The following ATP6V0A2 variants were observed in gnomAD, a reference collection of about 807,000 sequenced individuals.
ATP6V0A2 encodes the protein ATPase H+ transporting V0 subunit a2.
A neutral mutation model predicts 104.4 loss-of-function variants in ATP6V0A2; 58 were observed. The observed-to-expected ratio is 0.56, with a 90% CI of 0.45 to 0.69. The LOEUF (loss-of-function observed/expected upper bound fraction) is 0.69. ATP6V0A2 is among the 30% of genes least tolerant of loss of function. The probability of loss-of-function intolerance (pLI) is 0.00; values close to 1 mark genes in which losing one functional copy is unlikely to be tolerated. For missense variants in ATP6V0A2, 938 were observed against 1,062.9 expected (o/e 0.88, Z 1.63); for synonymous variants, 376 against 397.9 (o/e 0.95, Z 0.65).
rs7135542 is a variant in ATP6V0A2, at chr12:123,744,882, T to C, written c.1515T>C (p.Asn505=). Residue 505 remains asparagine (N), a splice_region_variant and synonymous_variant, in exon 13 of 20, where the codon AAT becomes AAC. Coordinates refer to ENST00000330342, the MANE Select transcript of ATP6V0A2 (RefSeq NM_012463.4). The surrounding 1 kb of genome is among the most constrained non-coding windows in gnomAD (Gnocchi z 5.4). Reference sequence around the variant, plus strand: ...CTCCTCACTCTGCTTTTTGTTACAGTGACAGCGTCGTTAGACACAACAGCA... The same window carrying C: ...CTCCTCACTCTGCTTTTTGTTACAGCGACAGCGTCGTTAGACACAACAGCA... ...PAEHKKMVLW[N]DSVVRHNSIL... is the part of the protein sequence containing the mutation. 0.65 allele frequency: 1,051,214 copies of C among 1,613,844 alleles called. 347,608 individuals carry two copies. The highest frequency in any genetic ancestry group is 0.96 in the East Asian group (42,914 of 44,880).
intron 9 of ATP6V0A2, among the ~76,000 whole-genome samples, chr12:123,741,751 A>G (rs934038973): frequency 4.6e-5 from 7 of 152,178 alleles, no homozygotes; most frequent in African/African-American, 1.7e-4. Context: ...AGCATGAGCC[A>G]CCATGCCTGT....
chr12:123,737,303 C>T, intron 9 of ATP6V0A2, 32 bp downstream of exon 9: 1 of 1,601,018 alleles, frequency 6.2e-7, no homozygotes, highest in Non-Finnish European at 8.6e-7. Context: ...CTGCCAGGAA[C>T]AGAAGAGAGA....
chr12:123,723,021 A>G (rs10734906), intron 3 of ATP6V0A2, among the ~76,000 whole-genome samples: 101,035 of 152,032 alleles, frequency 0.66, 33,918 homozygotes, highest in East Asian at 0.95. Flanking sequence ...TGTGCTGCTT[A>G]TTAGCATCCT....
At chr12:123,720,608 T>G (rs1956390068) in intron 2 of ATP6V0A2, among the ~76,000 whole-genome samples, 1 of 152,166 alleles carries the variant, frequency 6.6e-6, no homozygotes, top group Non-Finnish European at 1.5e-5. Context: ...GTGGGAGAAT[T>G]GCTTGAGCCC....
At chr12:123,725,193 C>A (rs946297916) in intron 4 of ATP6V0A2, among the ~76,000 whole-genome samples, 2 of 152,136 alleles carry the variant, frequency 1.3e-5, no homozygotes, top group East Asian at 3.9e-4. Flanking sequence ...CTCGGCCTTC[C>A]AAAGTGCTGG....
intron 9 of ATP6V0A2, among the ~76,000 whole-genome samples, chr12:123,743,414 G>A (rs112769474): frequency 0.045 from 6,808 of 152,308 alleles, 230 homozygotes; most frequent in Admixed American, 0.07. Context: ...AGCACATTGG[G>A]AGGCTGAGAC....
intron 13 of ATP6V0A2, among the ~76,000 whole-genome samples, chr12:123,747,376 T>G (rs975288641): frequency 4.6e-5 from 7 of 152,340 alleles, no homozygotes; most frequent in Non-Finnish European, 8.8e-5. Context: ...GCTATGTGGT[T>G]CCATCTGGCA....
rs1956462359 is a variant in ATP6V0A2 at position 123,727,789 on chromosome 12, G to T, written c.528G>T (p.Val176=). The T allele has an allele frequency of 1.2e-6, 2 of 1,614,112 alleles. No individual in the cohort carries two copies. The highest frequency in any genetic ancestry group is 1.7e-6 in the Non-Finnish European group (2 of 1,180,034). ...MQRLGAKLGF[V]SGLINQGKVE... is the part of the protein sequence containing the mutation. ...TGACTTTACTGTCTCACAGATTTGT[G>T]TCTGGCCTAATTAACCAAGGAAAAG... Residue 176 remains valine (V), a synonymous_variant, in exon 6 of 20, where the codon GTG becomes GTT. Transcript: ENST00000330342.
At chr12:123,749,293 C>A (rs1956692514) in intron 15 of ATP6V0A2, among the ~76,000 whole-genome samples, 1 of 152,100 alleles carries the variant, frequency 6.6e-6, no homozygotes, top group Non-Finnish European at 1.5e-5. Context: ...TGTCTCAAAC[C>A]AAAACCAACA....
chr12:123,717,350 CTGT>C (rs1232714774), intron 1 of ATP6V0A2, among the ~76,000 whole-genome samples: 2 of 148,908 alleles, frequency 1.3e-5, no homozygotes, highest in African/African-American at 4.9e-5. Flanking sequence ...AAAGTCATCC[CTGT>C]TGTTGCATGG....
chr12:123,748,466 G>T, intron 14 of ATP6V0A2, 109 bp from the exon 15 acceptor site: 1 of 843,342 alleles, frequency 1.2e-6, no homozygotes, highest in South Asian at 1.4e-5. Flanking sequence ...TATGAGAAAT[G>T]ATGTTATTCT....
chr12:123,738,516 G>A (rs1956578633), intron 9 of ATP6V0A2, among the ~76,000 whole-genome samples: 1 of 152,042 alleles, frequency 6.6e-6, no homozygotes, highest in Admixed American at 6.5e-5. Context: ...CTCCTGGTCT[G>A]TGACACCAGT....
rs748157842 is a variant in ATP6V0A2 at position 123,744,843 on chromosome 12, C to T, written c.1515-39C>T. On this transcript the variant is annotated intron_variant, in intron 12 of 19. Coordinates refer to ENST00000330342, the MANE Select transcript of ATP6V0A2 (RefSeq NM_012463.4). The surrounding 1 kb of genome is among the most constrained non-coding windows in gnomAD (Gnocchi z 5.4). ...GAAAGCATGTTTCCTAGACCTTCCT[C>T]CTCCCAGGTCAGCCTCCTCACTCTG... 22 of 1,614,082 alleles carry T rather than the reference C, an allele frequency of 1.4e-5. No homozygotes were observed. The South Asian group carries it at 2.0e-4, about 14-fold the overall frequency.
intron 1 of ATP6V0A2, among the ~76,000 whole-genome samples, chr12:123,715,470 A>G (rs1956330813): frequency 6.6e-6 from 1 of 152,172 alleles, no homozygotes; most frequent in Non-Finnish European, 1.5e-5. Flanking sequence ...AATGAACAAG[A>G]ACTGAGTCAG....
At chr12:123,733,647 T>C (rs2135897689) in intron 6 of ATP6V0A2, 1 of 448,416 alleles carries the variant, frequency 2.2e-6, no homozygotes, top group East Asian at 4.4e-5. Flanking sequence ...AGAGCAGAGA[T>C]GGGAAGGGAG....
chr12:123,753,350 C>T (rs1395326132), intron 17 of ATP6V0A2, among the ~76,000 whole-genome samples: 4 of 152,262 alleles, frequency 2.6e-5, no homozygotes, highest in South Asian at 2.1e-4. Context: ...CAAAATACCA[C>T]GGACTGGGTG....
intron 5 of ATP6V0A2, among the ~76,000 whole-genome samples, chr12:123,726,974 T>C (rs1956453879): frequency 6.6e-6 from 1 of 152,244 alleles, no homozygotes; most frequent in Non-Finnish European, 1.5e-5. Context: ...CCTGTGGTTA[T>C]AAATTCTTAG....
intron 13 of ATP6V0A2, among the ~76,000 whole-genome samples, chr12:123,745,819 G>C (rs1956657190): frequency 6.6e-6 from 1 of 152,162 alleles, no homozygotes; most frequent in East Asian, 1.9e-4. Flanking sequence ...GGTTGGGTGG[G>C]GTTTTCCTGA....
At chr12:123,727,310 G>A (rs116985162) in intron 5 of ATP6V0A2, among the ~76,000 whole-genome samples, 3,065 of 147,178 alleles carry the variant, frequency 0.021, 48 homozygotes, top group African/African-American at 0.035. Flanking sequence ...TTTTTTTGAG[G>A]CAGAGTCTTG....
Sources: allele counts gnomAD v4.1 joint callset (sites outside exome capture counted in the v4.1 genomes callset), GRCh38; gene constraint gnomAD v4.1.1; non-coding constraint Gnocchi (gnomAD v3.1); transcripts MANE v1.5; gene names NCBI Gene and HGNC (gene_info 2026-07-23, HGNC 2026-07-21).